NUF2: variants seen among roughly 807,000 people sequenced by gnomAD.
NUF2 encodes NUF2 component of NDC80 kinetochore complex.
In NUF2, 34 loss-of-function variants were observed where a neutral mutation model predicts 61.8. The observed-to-expected ratio is 0.55, with a 90% CI of 0.42 to 0.73. The LOEUF (loss-of-function observed/expected upper bound fraction) is 0.73. Ranked by LOEUF, NUF2 falls within the 30% of genes least tolerant of loss-of-function variation. NUF2 has a pLI of 0.00. For missense variants in NUF2, 445 were observed against 539.1 expected (o/e 0.83, Z 1.73); for synonymous variants, 172 against 181.6 (o/e 0.95, Z 0.42).
chr1:163,326,326 A>T (rs1240281498), intron 2 of NUF2, 152 bp downstream of exon 2: 1 of 595,758 alleles, frequency 1.7e-6, no homozygotes, highest in Non-Finnish European at 2.8e-6. Context: ...AGCATAATTT[A>T]AAAATAACAC....
intron 9 of NUF2, among the ~76,000 whole-genome samples, chr1:163,341,473 G>T (rs1199468698): frequency 3.3e-5 from 5 of 152,090 alleles, no homozygotes; most frequent in Admixed American, 1.3e-4. Flanking sequence ...CTCTCAAAGT[G>T]CTGGGATTAC....
At chr1:163,347,589 CTTG>C (rs765447447) in intron 11 of NUF2, among the ~76,000 whole-genome samples, 171 bp from the exon 12 acceptor site, 1 of 152,300 alleles carries the variant, frequency 6.6e-6, no homozygotes. Flanking sequence ...CTGATGCCTC[CTTG>C]TTGTCTCTTC....
intron 1 of NUF2, among the ~76,000 whole-genome samples, chr1:163,323,323 T>C (rs537080304): frequency 1.3e-5 from 2 of 152,210 alleles, no homozygotes; most frequent in Non-Finnish European, 2.9e-5. Flanking sequence ...AGTCCTTTTA[T>C]GAACAGTTTT....
chr1:163,345,971 A>G (rs1386848281), intron 11 of NUF2, 153 bp downstream of exon 11: 1 of 505,730 alleles, frequency 2.0e-6, no homozygotes, highest in Non-Finnish European at 3.4e-6. Context: ...TGAAAAAGAC[A>G]CTTTTCTTTT....
intron 13 of NUF2, among the ~76,000 whole-genome samples, chr1:163,351,935 G>A (rs1194170665): frequency 6.6e-6 from 1 of 151,910 alleles, no homozygotes. Context: ...TCTTCATTTG[G>A]ATAGCTTTCA....
chr1:163,343,740 TA>T lies in NUF2; in HGVS notation c.681del (p.Lys227AsnfsTer7). 1 of 1,398,494 alleles carries T rather than the reference TA, an allele frequency of 7.2e-7. No homozygotes were observed. Among genetic ancestry groups the T allele is most frequent in the Non-Finnish European group, 9.5e-7 (1 of 1,049,222 alleles). 86.6% of individuals were successfully genotyped at this position (1,398,494 alleles called of 1,614,324 possible). On this transcript the variant is annotated frameshift_variant, in exon 10 of 14. Coordinates refer to ENST00000271452, the MANE Select transcript of NUF2 (RefSeq NM_145697.3). LOFTEE classifies it high-confidence loss of function. ...AAAATGTTTTCTCAACAGAATGAAC[TA>T]AAATTGTCGGTGGTTTCTTTGAAAG... ...ISEKTKRLNE[L>X]KLSVVSLKEI...
rs760813430 is a variant in NUF2 at position 163,328,230 on chromosome 1, G to A, written c.201G>A (p.Met67Ile). The change falls in exon 4 of 14, where the codon ATG (methionine) becomes ATA (isoleucine). Residue 67 changes from methionine (M) to isoleucine (I), a missense_variant and splice_region_variant. By Grantham distance (10) the Met-to-Ile change is conservative (BLOSUM62 1). Coordinates refer to ENST00000271452, the MANE Select transcript of NUF2 (RefSeq NM_145697.3). ...ATTTTGTGGTTTATTGCATTTAGAT[G>A]CCAGTGAACTCTGAAGTCATGTATC... ...YGIRLEHFYM[M>I]PVNSEVMYPH... 1 of 1,596,604 alleles carries A rather than the reference G, an allele frequency of 6.3e-7. No individual in the cohort carries two copies. The highest frequency in any genetic ancestry group is 1.3e-5 in the African/African-American group (1 of 74,416).
chr1:163,337,900 CCTAACT>C (rs1383015149), intron 6 of NUF2, 114 bp from the exon 7 acceptor site: 18 of 714,584 alleles, frequency 2.5e-5, no homozygotes, highest in Non-Finnish European at 3.5e-5. Context: ...GTCATGAAGG[CCTAACT>C]CTATCTTAAA....
At chr1:163,347,015 A>G (rs571896789) in intron 11 of NUF2, among the ~76,000 whole-genome samples, 1 of 152,302 alleles carries the variant, frequency 6.6e-6, no homozygotes, top group South Asian at 2.1e-4. Context: ...AACTGTAACC[A>G]TGGAAAGTGA....
intron 5 of NUF2, among the ~76,000 whole-genome samples, chr1:163,331,426 T>TGCA (rs1312720515): frequency 5.9e-5 from 9 of 152,032 alleles, no homozygotes; most frequent in African/African-American, 2.2e-4. Flanking sequence ...TAAGTTTTTT[T>TGCA]GTCTGTGTTC....
At position 163,339,387 on chromosome 1, in the gene NUF2, T is replaced by C. The variant is rs769523602; in HGVS notation, c.516T>C (p.Val172=). 2 of 1,606,886 alleles carry C rather than the reference T, an allele frequency of 1.2e-6. No individual in the cohort carries two copies. The highest frequency in any genetic ancestry group is 2.2e-5 in the South Asian group (2 of 90,746). The part of the protein sequence containing the change: ...ALMKLERLDS[V]PVEEQEEFKQ... Reference sequence around the variant, plus strand: ...TCTATTTTGCTGTGTTAAGTTCTGTTCCAGTTGAAGAGCAAGAAGAGTTCA... The same window carrying C: ...TCTATTTTGCTGTGTTAAGTTCTGTCCCAGTTGAAGAGCAAGAAGAGTTCA... The change falls in exon 8 of 14, where the codon GTT becomes GTC. Residue 172 remains valine, a synonymous_variant. Transcript: ENST00000271452.
intron 7 of NUF2, 163 bp from the exon 8 acceptor site, chr1:163,339,218 G>C (rs1036708818): frequency 1.8e-6 from 1 of 564,506 alleles, no homozygotes; most frequent in Non-Finnish European, 3.1e-6. Context: ...TCTGCCTGTA[G>C]TAGAGGCCAG....
At chr1:163,355,182 A>C (rs1448445186) in intron 13 of NUF2, among the ~76,000 whole-genome samples, 153 bp from the exon 14 acceptor site, 1 of 152,148 alleles carries the variant, frequency 6.6e-6, no homozygotes, top group Non-Finnish European at 1.5e-5. Flanking sequence ...ATTTTTAATT[A>C]AAGCAGACAT....
rs778960060 is a variant in NUF2 at position 163,351,660 on chromosome 1, T to C, written c.1260+2580T>C. 1.3e-5 allele frequency among the ~76,000 whole-genome samples: 2 copies of C among 152,238 alleles called. 1 individual carries two copies. The highest frequency in any genetic ancestry group is 4.1e-4 in the South Asian group (2 of 4,832). On this transcript the variant is annotated intron_variant, in intron 13 of 13. Transcript: ENST00000271452. Reference sequence around the variant, plus strand: ...ACAATTCTTCAACTTGCTAAGTTGTTCTTACCTACCTTGATTCAGGCTACG... The same window carrying C: ...ACAATTCTTCAACTTGCTAAGTTGTCCTTACCTACCTTGATTCAGGCTACG...
chr1:163,330,366 A>G (rs191188685), intron 5 of NUF2, among the ~76,000 whole-genome samples: 19 of 152,322 alleles, frequency 1.2e-4, no homozygotes, highest in Non-Finnish European at 1.3e-4. Flanking sequence ...AAGGAAGTCT[A>G]TTAAAAATTA....
chr1:163,353,742 TG>T (rs1188868102), intron 13 of NUF2, among the ~76,000 whole-genome samples: 2 of 152,218 alleles, frequency 1.3e-5, no homozygotes, highest in Non-Finnish European at 2.9e-5. Context: ...GGATACGATC[TG>T]TCACCATTAA....
At chr1:163,340,961 T>A (rs977774470) in intron 9 of NUF2, among the ~76,000 whole-genome samples, 1 of 152,224 alleles carries the variant, frequency 6.6e-6, no homozygotes, top group African/African-American at 2.4e-5. Context: ...TACATACATT[T>A]CTGCAACAGG....
At chr1:163,326,946 AG>A (rs1389879013) in intron 2 of NUF2, among the ~76,000 whole-genome samples, 1 of 152,208 alleles carries the variant, frequency 6.6e-6, no homozygotes, top group Non-Finnish European at 1.5e-5. Context: ...ACAGATTCAC[AG>A]GTCAGCATTT....
chr1:163,347,031 T>A (rs1651157955), intron 11 of NUF2, among the ~76,000 whole-genome samples: 1 of 152,214 alleles, frequency 6.6e-6, no homozygotes, highest in South Asian at 2.1e-4. Context: ...AGTGAAGCCA[T>A]GGATAAGGGG....
Sources: gnomAD v4.1 joint callset for allele counts (sites outside exome capture counted in the v4.1 genomes callset) on GRCh38, gnomAD v4.1.1 for gene constraint, MANE v1.5 for transcripts, NCBI Gene and HGNC (gene_info 2026-07-23, HGNC 2026-07-21) for gene names.